The following CACNA1A variants were observed in gnomAD, a reference collection of about 807,000 sequenced individuals.
The protein encoded by CACNA1A is calcium voltage-gated channel subunit alpha1 A.
In CACNA1A, 57 loss-of-function variants were observed where a neutral mutation model predicts 262.4. The observed-to-expected ratio is 0.22, with a 90% CI of 0.18 to 0.27. The LOEUF is 0.27. CACNA1A is among the 10% of genes least tolerant of loss of function. The probability of loss-of-function intolerance (pLI) is 1.00; values close to 1 mark genes in which losing one functional copy is unlikely to be tolerated. For synonymous variants in CACNA1A, 1,431 were observed against 1,419.3 expected (o/e 1.01, Z -0.18); for missense variants, 2,526 against 3,562.8 (o/e 0.71, Z 7.41).
intron 1 of CACNA1A, among the ~76,000 whole-genome samples, chr19:13,485,703 A>C (rs1015763262): frequency 2.6e-5 from 4 of 152,182 alleles, no homozygotes; most frequent in Non-Finnish European, 4.4e-5. Context: ...TAACTTAAAA[A>C]CCTGACAATA....
intron 3 of CACNA1A, among the ~76,000 whole-genome samples, chr19:13,422,550 C>G (rs988516522): frequency 6.6e-6 from 1 of 152,212 alleles, no homozygotes; most frequent in African/African-American, 2.4e-5. Flanking sequence ...TGGCCCTTGG[C>G]TGGCTCCTGG....
intron 6 of CACNA1A, among the ~76,000 whole-genome samples, chr19:13,345,873 A>T: frequency 6.8e-6 from 1 of 146,548 alleles, no homozygotes. Flanking sequence ...CATAAATTAT[A>T]TAGGCTGTCT....
intron 19 of CACNA1A, among the ~76,000 whole-genome samples, 169 bp from the exon 20 acceptor site, chr19:13,287,135 T>G (rs796302750): frequency 9.9e-5 from 15 of 152,222 alleles, no homozygotes; most frequent in African/African-American, 3.6e-4. Flanking sequence ...GAGGATTGCT[T>G]AAGGCCAGGA....
chr19:13,473,244 G>A (rs1978290916), intron 1 of CACNA1A, among the ~76,000 whole-genome samples: 3 of 140,408 alleles, frequency 2.1e-5, no homozygotes, highest in Non-Finnish European at 4.5e-5. Flanking sequence ...GACAGAGTGA[G>A]GCCCTGACAA....
rs1171037261 is a variant in CACNA1A at position 13,241,980 on chromosome 19, G to A, written c.4950+3202C>T. On this transcript the variant is annotated intron_variant, in intron 31 of 46. Transcript: ENST00000360228. The surrounding 1 kb of genome is among the most constrained non-coding windows in gnomAD (Gnocchi z 4.0). ...CCCGCCCAAGCATCTGGCATTTCCT[G>A]TCTCAGCCTGGCCAAGCCCTGGCCT... 6.6e-6 allele frequency among the ~76,000 whole-genome samples: 1 copy of A among 152,076 alleles called. No homozygotes were observed. Among genetic ancestry groups the A allele is most frequent in the Non-Finnish European group, 1.5e-5 (1 of 68,010 alleles).
At chr19:13,449,794 G>T (rs555277037) in intron 3 of CACNA1A, among the ~76,000 whole-genome samples, 1 of 152,334 alleles carries the variant, frequency 6.6e-6, no homozygotes, top group East Asian at 1.9e-4. Context: ...CTGGATGGGG[G>T]AGAGAAAGGA....
chr19:13,449,860 G>T (rs1449370301), intron 3 of CACNA1A, among the ~76,000 whole-genome samples: 1 of 152,184 alleles, frequency 6.6e-6, no homozygotes, highest in Non-Finnish European at 1.5e-5. Flanking sequence ...GTTTTGTTTT[G>T]CTGGGCACAG....
intron 1 of CACNA1A, among the ~76,000 whole-genome samples, chr19:13,503,201 G>A (rs1260986744): frequency 1.3e-5 from 2 of 152,158 alleles, no homozygotes; most frequent in Admixed American, 6.5e-5. Context: ...GCAAAAGAAC[G>A]TACTGTGTGA....
intron 30 of CACNA1A, among the ~76,000 whole-genome samples, chr19:13,250,799 G>A (rs964885921): frequency 2.0e-5 from 3 of 152,168 alleles, no homozygotes; most frequent in Non-Finnish European, 2.9e-5. Context: ...AAAATAGCAA[G>A]GGCTTCAAGG....
chr19:13,414,128 G>A (rs1017381244), intron 3 of CACNA1A, among the ~76,000 whole-genome samples: 2 of 152,140 alleles, frequency 1.3e-5, no homozygotes, highest in African/African-American at 4.8e-5. Context: ...GGAGGCTGAA[G>A]TGGGAGGATC....
intron 3 of CACNA1A, among the ~76,000 whole-genome samples, chr19:13,430,484 G>A (rs1321500358): frequency 1.3e-5 from 2 of 152,182 alleles, no homozygotes; most frequent in African/African-American, 4.8e-5. Context: ...GGGATTACAG[G>A]CGTGAGCCAC....
chr19:13,418,344 G>A (rs1477866480), intron 3 of CACNA1A, among the ~76,000 whole-genome samples: 1 of 152,170 alleles, frequency 6.6e-6, no homozygotes, highest in Non-Finnish European at 1.5e-5. Flanking sequence ...GTGGGAGGCA[G>A]TCCCAGATGT....
In CACNA1A at chr19:13,298,777, G is replaced by A. The variant is rs2057726092; in HGVS notation, c.2856C>T (p.Asp952=). 1.3e-6 allele frequency: 2 copies of A among 1,530,118 alleles called. No individual in the cohort carries two copies. Among genetic ancestry groups the A allele is most frequent in the Non-Finnish European group, 8.7e-7 (1 of 1,148,310 alleles). 94.8% of individuals were successfully genotyped at this position (1,530,118 alleles called of 1,614,324 possible). The part of the protein sequence containing the change: ...SRSGSPRTGA[D]GEHRRHRAHR... ...GCGCGCGATGACGTCGATGCTCCCC[G>A]TCCGCGCCCGTGCGCGGGGACCCGC... Residue 952 remains aspartate, a synonymous_variant, in exon 19 of 47, where the codon GAC becomes GAT. Transcript: ENST00000360228.
intron 1 of CACNA1A, among the ~76,000 whole-genome samples, chr19:13,504,547 C>T (rs1012020183): frequency 6.6e-6 from 1 of 152,160 alleles, no homozygotes; most frequent in Non-Finnish European, 1.5e-5. Context: ...CAAACAGCAA[C>T]CCCCGGAGAC....
At chr19:13,209,251 C>T (rs1410529600) in intron 45 of CACNA1A, 61 bp downstream of exon 45, 3 of 1,427,048 alleles carry the variant, frequency 2.1e-6, no homozygotes, top group African/African-American at 2.9e-5. Context: ...TCCGCCCTGC[C>T]TTCTCCTCCC....
At chr19:13,293,358 A>G (rs1035799986) in intron 19 of CACNA1A, among the ~76,000 whole-genome samples, 2 of 151,590 alleles carry the variant, frequency 1.3e-5, no homozygotes, top group Non-Finnish European at 2.9e-5. Context: ...AAATGCTACA[A>G]AAAATTGCTA....
chr19:13,452,566 G>A (rs1165258244), intron 3 of CACNA1A: 4 of 209,372 alleles, frequency 1.9e-5, no homozygotes, highest in South Asian at 1.4e-4. Context: ...TTCCTCAGTG[G>A]TCAGATGGGA....
At chr19:13,357,620 G>A (rs2145236343) in intron 6 of CACNA1A, among the ~76,000 whole-genome samples, 1 of 152,296 alleles carries the variant, frequency 6.6e-6, no homozygotes, top group South Asian at 2.1e-4. Flanking sequence ...CCTGGGGACT[G>A]CTTACCTGCA....
chr19:13,328,480 TG>T (rs1340081476), intron 10 of CACNA1A, among the ~76,000 whole-genome samples: 3 of 152,212 alleles, frequency 2.0e-5, no homozygotes, highest in African/African-American at 7.2e-5. Flanking sequence ...TTCGATGGCC[TG>T]GGTGGGGAAT....
Sources: allele counts gnomAD v4.1 joint callset (sites outside exome capture counted in the v4.1 genomes callset), GRCh38; gene constraint gnomAD v4.1.1; non-coding constraint Gnocchi (gnomAD v3.1); transcripts MANE v1.5; gene names NCBI Gene and HGNC (gene_info 2026-07-23, HGNC 2026-07-21).